The following C1orf174 variants were observed in gnomAD, a reference collection of about 807,000 sequenced individuals.
The protein encoded by C1orf174 is UPF0688 protein C1orf174.
Under a neutral mutation model 18.4 loss-of-function variants are expected in C1orf174, and 13 were observed. The ratio of observed to expected loss-of-function variants is 0.71; its 90% CI spans 0.46 to 1.12. The LOEUF (loss-of-function observed/expected upper bound fraction) is 1.12, where lower values mean the gene tolerates loss of function less well. C1orf174 is among the 50% of genes most tolerant of loss of function. The pLI, the probability that C1orf174 is intolerant of heterozygous loss-of-function variation, is 0.00. For synonymous variants in C1orf174, 100 were observed against 118.3 expected (o/e 0.85, Z 1.01); for missense variants, 309 against 308.0 (o/e 1.00, Z -0.02).
At chr1:3,897,706 C>T (rs529922218) in intron 1 of C1orf174, among the ~76,000 whole-genome samples, 11 of 152,272 alleles carry the variant, frequency 7.2e-5, no homozygotes, top group African/African-American at 2.2e-4. Flanking sequence ...CTCTATCGCC[C>T]AGGCTGGAGT....
chr1:3,890,924 G>A lies in C1orf174; in HGVS notation c.263C>T (p.Pro88Leu), dbSNP rs774822999. 6.2e-7 allele frequency: 1 copy of A among 1,614,114 alleles called. No individual in the cohort carries two copies. The highest frequency in any genetic ancestry group is 8.5e-7 in the Non-Finnish European group (1 of 1,180,042). ...AAACTCATTTTCACAAGGGGTCTCA[G>A]GTGTCACTTTTGGCAAAGAAGCGCT... ...NDSASLPKVT[P>L]ETPCENEFAE... Residue 88 changes from proline (P) to leucine (L), a missense_variant, in exon 3 of 4, where the codon CCT (proline) becomes CTT (leucine). Transcript: ENST00000361605.
chr1:3,893,973 T>G (rs532525143), intron 1 of C1orf174, among the ~76,000 whole-genome samples: 1 of 152,338 alleles, frequency 6.6e-6, no homozygotes, highest in East Asian at 1.9e-4. Flanking sequence ...GTTAAACAAC[T>G]ACAGGACATT....
intron 1 of C1orf174, among the ~76,000 whole-genome samples, chr1:3,897,905 C>T (rs551130169): frequency 1.5e-4 from 23 of 152,230 alleles, no homozygotes; most frequent in Admixed American, 7.9e-4. Flanking sequence ...CCTTGTGATC[C>T]GCCTGCCTCA....
intron 1 of C1orf174, chr1:3,895,577 T>A (rs1343841613): frequency 8.6e-6 from 1 of 115,872 alleles, no homozygotes; most frequent in African/African-American, 2.9e-5. Flanking sequence ...CGCTGGCTGT[T>A]AACAGACACC....
At chr1:3,894,358 A>T (rs1452614441) in intron 1 of C1orf174, among the ~76,000 whole-genome samples, 1 of 152,210 alleles carries the variant, frequency 6.6e-6, no homozygotes, top group Non-Finnish European at 1.5e-5. Context: ...CTGTAATCCC[A>T]GCACTTTGGG....
chr1:3,893,018 C>CA, intron 1 of C1orf174, 22 bp from the exon 2 acceptor site: 1 of 1,610,716 alleles, frequency 6.2e-7, no homozygotes, highest in Non-Finnish European at 8.5e-7. Context: ...GAGAGCCACT[C>CA]AGAGAGTGCT....
At chr1:3,894,375 A>G (rs1638567407) in intron 1 of C1orf174, among the ~76,000 whole-genome samples, 1 of 152,198 alleles carries the variant, frequency 6.6e-6, no homozygotes, top group Non-Finnish European at 1.5e-5. Context: ...TGGGAGGCTG[A>G]GGCAGGTGGA....
Position 3,891,013 on chromosome 1 carries a change from C to A in C1orf174, c.174G>T (p.Lys58Asn), listed in dbSNP as rs541741166. Residue 58 changes from lysine (K) to asparagine (N), a missense_variant, in exon 3 of 4, where the codon AAG (lysine) becomes AAT (asparagine). Physicochemically the swap from Lys to Asn is moderately conservative, Grantham distance 94 (BLOSUM62 0). Transcript: ENST00000361605. ...CAAGATGTCCTTTGTCACATTTGAA[C>A]TTCTTGGACGTTCGCGTGTCTGTGG... ...HKATDTRTSK[K>N]FKCDKGHLVK... 9.9e-6 allele frequency: 16 copies of A among 1,613,948 alleles called. No individual in the cohort carries two copies. The African/African-American group carries it at 2.0e-4, about 20-fold the overall frequency.
intron 1 of C1orf174, among the ~76,000 whole-genome samples, chr1:3,898,516 A>AAACAACAACAACAACAACAAC (rs774183697): frequency 7.2e-6 from 1 of 139,228 alleles, no homozygotes; most frequent in African/African-American, 2.9e-5. Flanking sequence ...CTCAAAGCAA[A>AAACAACAACAACAACAACAAC]AACAACAACA....
At chr1:3,899,870 A>G (rs1638675785) in intron 1 of C1orf174, among the ~76,000 whole-genome samples, 1 of 148,956 alleles carries the variant, frequency 6.7e-6, no homozygotes, top group African/African-American at 2.5e-5. Flanking sequence ...TGTGGCCCAG[A>G]GGCCCCATTC....
rs200066494 is a variant in C1orf174 at position 3,890,934 on chromosome 1, T to A, written c.253A>T (p.Lys85Ter). The A allele has an allele frequency of 2.7e-5, 44 of 1,614,040 alleles. No individual in the cohort carries two copies. Among genetic ancestry groups the A allele is most frequent in the Middle Eastern group, 1.6e-4 (1 of 6,084 alleles). Residue 85 changes from lysine to a stop codon, truncating the protein, a stop_gained, in exon 3 of 4, where the codon AAA (lysine) becomes TAA (stop). Coordinates refer to ENST00000361605, the MANE Select transcript of C1orf174 (RefSeq NM_207356.3). LOFTEE classifies it high-confidence loss of function. ...VPKNDSASLP[K>*]VTPETPCENE... The stretch of plus-strand genomic sequence containing the variant: ...TCACAAGGGGTCTCAGGTGTCACTT[T>A]TGGCAAAGAAGCGCTGTCATTCTTA...
Position 3,891,010 on chromosome 1 carries a change from G to A in C1orf174, c.177C>T (p.Phe59=). Residue 59 remains phenylalanine (F), a synonymous_variant, in exon 3 of 4, where the codon TTC becomes TTT. Transcript: ENST00000361605. Reference sequence around the variant, plus strand: ...TCACAAGATGTCCTTTGTCACATTTGAACTTCTTGGACGTTCGCGTGTCTG... The same window carrying A: ...TCACAAGATGTCCTTTGTCACATTTAAACTTCTTGGACGTTCGCGTGTCTG... ...KATDTRTSKK[F]KCDKGHLVKS... The A allele has an allele frequency of 6.2e-7, 1 of 1,613,944 alleles. No homozygotes were observed. Among genetic ancestry groups the A allele is most frequent in the African/African-American group, 1.3e-5 (1 of 75,026 alleles).
intron 3 of C1orf174, 69 bp downstream of exon 3, chr1:3,890,500 G>A: frequency 6.3e-7 from 1 of 1,576,658 alleles, no homozygotes; most frequent in Non-Finnish European, 8.6e-7. Context: ...GCACTGAGTG[G>A]GGAGTGTGTG....
chr1:3,893,141 G>A (rs933904360), intron 1 of C1orf174, 145 bp from the exon 2 acceptor site: 15 of 840,794 alleles, frequency 1.8e-5, no homozygotes, highest in African/African-American at 1.4e-4. Context: ...GCTGTGGCCC[G>A]AATGTGTAAA....
chr1:3,900,269 C>G lies in C1orf174; in HGVS notation c.-83G>C, dbSNP rs376214254. 1 of 1,440,132 alleles carries G rather than the reference C, an allele frequency of 6.9e-7. No individual in the cohort carries two copies. Among genetic ancestry groups the G allele is most frequent in the South Asian group, 1.4e-5 (1 of 70,462 alleles). 89.2% of individuals were successfully genotyped at this position (1,440,132 alleles called of 1,614,324 possible). Reference sequence around the variant, plus strand: ...GGCGACCCGGAGTCTGCAGAGCGCGCCGCGGCGGCGTCCGACGTCAGCACA... The same window carrying G: ...GGCGACCCGGAGTCTGCAGAGCGCGGCGCGGCGGCGTCCGACGTCAGCACA... On this transcript the variant is annotated 5_prime_UTR_variant, in exon 1 of 4. Transcript: ENST00000361605.
intron 2 of C1orf174, chr1:3,891,402 T>C: frequency 4.6e-6 from 1 of 218,530 alleles, no homozygotes; most frequent in Admixed American, 5.3e-5. Flanking sequence ...AATCCAGCTT[T>C]CATTCATTTC....
chr1:3,892,800 C>G, intron 2 of C1orf174, 83 bp downstream of exon 2: 1 of 1,533,086 alleles, frequency 6.5e-7, no homozygotes, highest in Non-Finnish European at 8.8e-7. Flanking sequence ...TTTTCTAAAG[C>G]AACACATCTT....
chr1:3,898,791 T>C (rs2124789169), intron 1 of C1orf174, among the ~76,000 whole-genome samples: 2 of 143,968 alleles, frequency 1.4e-5, no homozygotes, highest in Non-Finnish European at 3.0e-5. Flanking sequence ...CAAAACAAAG[T>C]GGGTGAAAGC....
intron 1 of C1orf174, among the ~76,000 whole-genome samples, chr1:3,894,081 C>T (rs989720701): frequency 1.3e-5 from 2 of 152,006 alleles, no homozygotes; most frequent in African/African-American, 4.8e-5. Context: ...TTTTCTGTTC[C>T]AGAATCCAGT....
Sources: gnomAD v4.1 joint callset for allele counts (sites outside exome capture counted in the v4.1 genomes callset) on GRCh38, gnomAD v4.1.1 for gene constraint, MANE v1.5 for transcripts, NCBI Gene and HGNC (gene_info 2026-07-23, HGNC 2026-07-21) for gene names.